HCN1: variants seen among roughly 807,000 people sequenced by gnomAD.
The protein encoded by HCN1 is hyperpolarization activated cyclic nucleotide gated potassium channel 1, also known as potassium/sodium hyperpolarization-activated cyclic nucleotide-gated channel 1.
A neutral mutation model predicts 78.9 loss-of-function variants in HCN1; 13 were observed. That is an observed-to-expected ratio of 0.16 (90% CI 0.11 to 0.26). The LOEUF (loss-of-function observed/expected upper bound fraction) is 0.26, where lower values mean the gene tolerates loss of function less well. HCN1 is among the 10% of genes least tolerant of loss of function. The probability of loss-of-function intolerance (pLI) is 1.00; values close to 1 mark genes in which losing one functional copy is unlikely to be tolerated. For missense variants in HCN1, 810 were observed against 1,154.3 expected (o/e 0.70, Z 4.32); for synonymous variants, 552 against 455.5 (o/e 1.21, Z -2.70).
intron 4 of HCN1, among the ~76,000 whole-genome samples, chr5:45,386,056 T>C (rs565463375): frequency 6.6e-5 from 10 of 152,316 alleles, no homozygotes; most frequent in African/African-American, 2.4e-4. Context: ...TCTAAATCAA[T>C]TGAAAGCTAT....
rs1579761653 is a variant in HCN1 at position 45,261,265 on chromosome 5, T to A, written c.*656A>T. 6.5e-6 allele frequency: 1 copy of A among 152,800 alleles called. No individual in the cohort carries two copies. Among genetic ancestry groups the A allele is most frequent in the African/African-American group, 2.4e-5 (1 of 41,582 alleles). 9.5% of individuals were successfully genotyped at this position (152,800 alleles called of 1,614,324 possible). ...GTCCGATAACACATGAAGACAAATA[T>A]TAATTTTCCCTCAGCTTTCTGAAAG... On this transcript the variant is annotated 3_prime_UTR_variant, in exon 8 of 8. Transcript: ENST00000303230.
chr5:45,456,608 A>G lies in HCN1; in HGVS notation c.1011+5238T>C, dbSNP rs1741034491. ...TAAATACAAGTATAAAACTAAAACAAACATAATTTTACAAATCAAATACAA... is the reference window on the plus strand; with the variant it reads ...TAAATACAAGTATAAAACTAAAACAGACATAATTTTACAAATCAAATACAA... On this transcript the variant is annotated intron_variant, in intron 3 of 7. Transcript: ENST00000303230. Among the ~76,000 whole-genome samples the G allele has an allele frequency of 2.0e-5, 3 of 152,064 alleles. No homozygotes were observed. The South Asian group carries it at 6.2e-4, about 31-fold the overall frequency.
chr5:45,485,133 T>C (rs1213633199), intron 2 of HCN1, among the ~76,000 whole-genome samples: 1 of 152,178 alleles, frequency 6.6e-6, no homozygotes, highest in African/African-American at 2.4e-5. Flanking sequence ...CATTTGCTAA[T>C]GGGGGCGGAA....
intron 2 of HCN1, among the ~76,000 whole-genome samples, chr5:45,568,893 C>T (rs1431225241): frequency 6.6e-6 from 1 of 152,044 alleles, no homozygotes; most frequent in East Asian, 1.9e-4. Context: ...GTTGAAAGGT[C>T]TCTGATCTTT....
At chr5:45,477,871 T>G (rs1296952923) in intron 2 of HCN1, among the ~76,000 whole-genome samples, 10 of 152,178 alleles carry the variant, frequency 6.6e-5, no homozygotes, top group Admixed American at 6.6e-4. Flanking sequence ...TTTAATGAGA[T>G]ACCATTTTTC....
intron 5 of HCN1, among the ~76,000 whole-genome samples, chr5:45,333,408 T>G (rs1483583536): frequency 6.6e-6 from 1 of 151,700 alleles, no homozygotes; most frequent in Non-Finnish European, 1.5e-5. Flanking sequence ...TAGATGGGTG[T>G]GTTGCAAATA....
At chr5:45,314,830 A>C (rs980601444) in intron 5 of HCN1, among the ~76,000 whole-genome samples, 9 of 152,206 alleles carry the variant, frequency 5.9e-5, no homozygotes, top group South Asian at 2.1e-4. Context: ...CCATTACATA[A>C]TGGTAAAGGG....
chr5:45,430,481 C>A (rs1167005690), intron 3 of HCN1, among the ~76,000 whole-genome samples: 2 of 151,820 alleles, frequency 1.3e-5, no homozygotes, highest in African/African-American at 2.4e-5. Flanking sequence ...GTTTGCTGCT[C>A]CCCTCTTTGT....
chr5:45,412,113 G>GGGACT (rs1740036577), intron 3 of HCN1, among the ~76,000 whole-genome samples: 1 of 152,076 alleles, frequency 6.6e-6, no homozygotes, highest in African/African-American at 2.4e-5. Flanking sequence ...TTAGTCAACA[G>GGGACT]GGACTGTTCA....
intron 4 of HCN1, among the ~76,000 whole-genome samples, chr5:45,358,354 C>T (rs566976952): frequency 1.3e-5 from 2 of 152,092 alleles, no homozygotes; most frequent in Non-Finnish European, 2.9e-5. Context: ...TGAAATGATA[C>T]CCTTATTTAT....
intron 2 of HCN1, among the ~76,000 whole-genome samples, chr5:45,468,524 ATTTC>A (rs1741326150): frequency 2.6e-5 from 4 of 152,050 alleles, no homozygotes; most frequent in Non-Finnish European, 5.9e-5. Context: ...ATTACTCAGA[ATTTC>A]TATATATGTT....
chr5:45,403,433 T>G (rs1377569240), intron 3 of HCN1, among the ~76,000 whole-genome samples: 3 of 152,182 alleles, frequency 2.0e-5, no homozygotes, highest in Admixed American at 2.0e-4. Flanking sequence ...CGGGGATGCC[T>G]CAGGAAACAT....
At chr5:45,462,687 T>C (rs1741186361) in intron 2 of HCN1, among the ~76,000 whole-genome samples, 1 of 152,106 alleles carries the variant, frequency 6.6e-6, no homozygotes, top group Admixed American at 6.6e-5. Flanking sequence ...CCTTATTGTT[T>C]GTATTTTGAT....
chr5:45,447,633 A>G (rs1055001881), intron 3 of HCN1, among the ~76,000 whole-genome samples: 15 of 152,168 alleles, frequency 9.9e-5, no homozygotes, highest in Admixed American at 3.9e-4. Flanking sequence ...GTTGATCTCA[A>G]TTTATCAATC....
intron 6 of HCN1, among the ~76,000 whole-genome samples, chr5:45,293,209 C>T (rs1442234191): frequency 1.3e-5 from 2 of 152,048 alleles, no homozygotes; most frequent in African/African-American, 2.4e-5. Flanking sequence ...CATACACTGA[C>T]ATCAACAGTG....
rs534127638 is a variant in HCN1, at chr5:45,318,376, G to A, written c.1378-14537C>T. On this transcript the variant is annotated intron_variant, in intron 5 of 7. Coordinates refer to ENST00000303230, the MANE Select transcript of HCN1 (RefSeq NM_021072.4). Reference sequence around the variant, plus strand: ...GGGAATTGAACAATGAGAATACTTGGTCACAGAAAGGGGAACATCACACAC... The same window carrying A: ...GGGAATTGAACAATGAGAATACTTGATCACAGAAAGGGGAACATCACACAC... Among the ~76,000 whole-genome samples, 3 of 152,110 alleles carry A rather than the reference G, an allele frequency of 2.0e-5. No individual in the cohort carries two copies. In the East Asian group the frequency reaches 5.8e-4, roughly 29 times the overall value.
chr5:45,416,323 T>C (rs1296794369), intron 3 of HCN1, among the ~76,000 whole-genome samples: 2 of 152,022 alleles, frequency 1.3e-5, no homozygotes, highest in African/African-American at 4.8e-5. Context: ...TTCACAATGA[T>C]ATATTTATGC....
intron 2 of HCN1, among the ~76,000 whole-genome samples, chr5:45,568,100 G>C (rs1038690788): frequency 6.6e-6 from 1 of 151,946 alleles, no homozygotes; most frequent in Middle Eastern, 3.4e-3. Context: ...TTTTGTTTTT[G>C]TATTGGCTAT....
rs184273209 is a variant in HCN1 at position 45,614,561 on chromosome 5, T to C, written c.849+30624A>G. Among the ~76,000 whole-genome samples the C allele has an allele frequency of 1.0e-3, 159 of 152,230 alleles. 2 individuals carry two copies. Among genetic ancestry groups the C allele is most frequent in the Middle Eastern group, 6.8e-3 (2 of 294 alleles). On this transcript the variant is annotated intron_variant, in intron 2 of 7. Transcript: ENST00000303230. ...TGGTTTAAAGTTACCTCAGGCTTTT[T>C]TGCTATTGATAAATCTTTCAAATAT...
Sources: gnomAD v4.1 joint callset for allele counts (sites outside exome capture counted in the v4.1 genomes callset) on GRCh38, gnomAD v4.1.1 for gene constraint, MANE v1.5 for transcripts, NCBI Gene and HGNC (gene_info 2026-07-23, HGNC 2026-07-21) for gene names.